TCF20: variants seen among roughly 807,000 people sequenced by gnomAD.
TCF20 encodes SPRE-binding protein.
TCF20 carries 3 observed loss-of-function variants against 148.6 expected under a neutral mutation model. The observed-to-expected ratio is 0.02, with a 90% CI of 0.01 to 0.05. The LOEUF is 0.05. Among genes scored for constraint, TCF20 ranks in the 10% least tolerant of loss-of-function variants. TCF20 has a pLI of 1.00. For synonymous variants in TCF20, 1,049 were observed against 909.5 expected, an observed-to-expected ratio of 1.15 and a Z score of -2.76; for missense variants, 2,350 against 2,429.3, an observed-to-expected ratio of 0.97 and a Z score of 0.69.
chr22:42,274,494 CA>C (rs1417015155), upstream of TCF20: 3 of 152,378 alleles, frequency 2.0e-5, no homozygotes, highest in African/African-American at 7.2e-5. Context: ...AACAGAGGAC[CA>C]GAGAATACCA....
At chr22:42,250,930 T>C (rs1365950797) in intron 1 of TCF20, among the ~76,000 whole-genome samples, 3 of 151,880 alleles carry the variant, frequency 2.0e-5, no homozygotes, top group Non-Finnish European at 2.9e-5. Flanking sequence ...GAGTGTGAGG[T>C]GCCACACTTT....
upstream of TCF20, among the ~76,000 whole-genome samples, chr22:42,288,746 A>G (rs1927079772): frequency 7.0e-6 from 1 of 142,684 alleles, no homozygotes; most frequent in South Asian, 2.2e-4. Flanking sequence ...AAAAAAAAAA[A>G]GACAGAGAGC....
chr22:42,264,903 A>T (rs541699876), intron 1 of TCF20, among the ~76,000 whole-genome samples: 1 of 152,262 alleles, frequency 6.6e-6, no homozygotes, highest in Non-Finnish European at 1.5e-5. Flanking sequence ...CATGACATTC[A>T]AAAGTGGAAA....
Position 42,236,097 on chromosome 22 carries a change from A to G in TCF20, c.-36-20756T>C, listed in dbSNP as rs114255049. On this transcript the variant is annotated intron_variant, in intron 1 of 5. Coordinates refer to ENST00000677622, the MANE Select transcript of TCF20 (RefSeq NM_001378418.1). ...TAATCCGAGAATCACTTGCTTGTAC[A>G]CCCAGGAAGCAGAGGTTGCAGTGAG... is the stretch of plus-strand genomic sequence containing the variant. 6.1e-3 allele frequency among the ~76,000 whole-genome samples: 924 copies of G among 152,082 alleles called. 17 individuals are homozygous for G. The highest frequency in any genetic ancestry group is 0.021 in the African/African-American group (880 of 41,484).
At chr22:42,169,927 G>A in intron 3 of TCF20, 31 bp from the exon 4 acceptor site, 1 of 1,611,568 alleles carries the variant, frequency 6.2e-7, no homozygotes, top group Non-Finnish European at 8.5e-7. Context: ...GTCAGATGGA[G>A]ACTTCACAGC....
At chr22:42,184,192 G>A (rs1457310421) in intron 2 of TCF20, among the ~76,000 whole-genome samples, 1 of 152,176 alleles carries the variant, frequency 6.6e-6, no homozygotes, top group Non-Finnish European at 1.5e-5. Flanking sequence ...TTCGACATCT[G>A]TTTTTCTTGT....
In TCF20 at chr22:42,212,943, G is replaced by A; in HGVS notation, c.2363C>T (p.Pro788Leu). 1 of 1,614,106 alleles carries A rather than the reference G, an allele frequency of 6.2e-7. No individual in the cohort carries two copies. The highest frequency in any genetic ancestry group is 8.5e-7 in the Non-Finnish European group (1 of 1,180,014). ...MAGSLEGTTRPNVLVSQTNEL... is the reference protein window; with the variant it reads ...MAGSLEGTTRLNVLVSQTNEL... The stretch of plus-strand genomic sequence containing the variant: ...ATTGGTTTGACTAACCAAGACATTG[G>A]GCCTTGTGGTTCCTTCTAGGCTACC... The change falls in exon 2 of 6, where the codon CCC becomes CTC. Residue 788 changes from proline to leucine, a missense_variant. Around this residue, in one of 7 missense-constraint regions of TCF20, gnomAD observed 1,641 missense variants for 1,662.6 expected, o/e 0.99. Transcript: ENST00000677622.
chr22:42,161,401 A>G, intron 5 of TCF20, 43 bp from the exon 6 acceptor site: 1 of 1,613,522 alleles, frequency 6.2e-7, no homozygotes, highest in Non-Finnish European at 8.5e-7. Context: ...GAGCCTCCAC[A>G]GGGTCCACCA....
chr22:42,211,353 T>C lies in TCF20; in HGVS notation c.3953A>G (p.Lys1318Arg). 6.2e-7 allele frequency: 1 copy of C among 1,614,228 alleles called. No homozygotes were observed. Among genetic ancestry groups the C allele is most frequent in the East Asian group, 2.2e-5 (1 of 44,882 alleles). Reference protein sequence around the residue: ...IKSIPKRDSSKDLPSPDSRNC... With the variant: ...IKSIPKRDSSRDLPSPDSRNC... Reference sequence around the variant, plus strand: ...TCTACTATCTGGACTTGGAAGGTCCTTGGAGGAATCTCTCTTAGGGATAGA... The same window carrying C: ...TCTACTATCTGGACTTGGAAGGTCCCTGGAGGAATCTCTCTTAGGGATAGA... Residue 1318 changes from lysine to arginine, a missense_variant, in exon 2 of 6, where the codon AAG (lysine) becomes AGG (arginine). By Grantham distance (26) the Lys-to-Arg change is conservative. Coordinates refer to ENST00000677622, the MANE Select transcript of TCF20 (RefSeq NM_001378418.1).
At chr22:42,264,042 T>C (rs1926155246) in intron 1 of TCF20, among the ~76,000 whole-genome samples, 1 of 152,052 alleles carries the variant, frequency 6.6e-6, no homozygotes, top group Admixed American at 6.6e-5. Flanking sequence ...ATGGAAAGGA[T>C]GGGAGAAGGC....
rs749629350 is a variant in TCF20 at position 42,210,107 on chromosome 22, G to A, written c.5199C>T (p.Leu1733=). ...PFYPQDYAAT[L]PKNPPPKRAT... Reference sequence around the variant, plus strand: ...CCCTCTTAGGAGGTGGATTCTTCGGGAGAGTGGCTGCATAATCTTGGGGAT... The same window carrying A: ...CCCTCTTAGGAGGTGGATTCTTCGGAAGAGTGGCTGCATAATCTTGGGGAT... The change falls in exon 2 of 6, where the codon CTC becomes CTT. Residue 1733 remains leucine (L), a synonymous_variant. Coordinates refer to ENST00000677622, the MANE Select transcript of TCF20 (RefSeq NM_001378418.1). This position sits in a 1 kb window ranked among gnomAD's most constrained non-coding sequence, Gnocchi z 4.7. 6.2e-7 allele frequency: 1 copy of A among 1,614,114 alleles called. No homozygotes were observed. The highest frequency in any genetic ancestry group is 8.5e-7 in the Non-Finnish European group (1 of 1,180,034).
At chr22:42,217,792 T>C (rs990734108) in intron 1 of TCF20, among the ~76,000 whole-genome samples, 1 of 152,138 alleles carries the variant, frequency 6.6e-6, no homozygotes, top group Non-Finnish European at 1.5e-5. Flanking sequence ...TGAGTCCACA[T>C]GAGAACTGAG....
chr22:42,323,869 G>GTGGTGGTGGTGGTGATGGAGGTTA (rs1927784681), intron 1 of TCF20, among the ~76,000 whole-genome samples: 2 of 135,506 alleles, frequency 1.5e-5, no homozygotes, highest in Admixed American at 1.6e-4. Context: ...TATGGTGGTG[G>GTGGTGGTGGTGGTGATGGAGGTTA]TGGTGGTGGT....
At chr22:42,236,725 A>C (rs1017164221) in intron 1 of TCF20, among the ~76,000 whole-genome samples, 8 of 152,244 alleles carry the variant, frequency 5.3e-5, no homozygotes, top group Non-Finnish European at 2.9e-5. Context: ...AGCCACAAGC[A>C]TAACATTGCA....
At chr22:42,337,279 C>G (rs907642314) in intron 1 of TCF20, among the ~76,000 whole-genome samples, 1 of 152,090 alleles carries the variant, frequency 6.6e-6, no homozygotes, top group Non-Finnish European at 1.5e-5. Context: ...TCCCTGGCAC[C>G]TCCTCTGACC....
intron 3 of TCF20, among the ~76,000 whole-genome samples, chr22:42,177,376 T>C (rs1936514532): frequency 6.6e-6 from 1 of 152,188 alleles, no homozygotes; most frequent in African/African-American, 2.4e-5. Flanking sequence ...GATCATGCCA[T>C]TGTACTTTAG....
intron 1 of TCF20, among the ~76,000 whole-genome samples, chr22:42,231,319 T>C (rs911388538): frequency 1.3e-5 from 2 of 151,932 alleles, no homozygotes; most frequent in Non-Finnish European, 2.9e-5. Context: ...TCCAGCTCTA[T>C]AAAAACTAAA....
chr22:42,317,130 G>A lies in TCF20; in HGVS notation c.-37+26349C>T, dbSNP rs567755222. Among the ~76,000 whole-genome samples, 10 of 152,252 alleles carry A rather than the reference G, an allele frequency of 6.6e-5. No individual in the cohort carries two copies. Among genetic ancestry groups the A allele is most frequent in the African/African-American group, 1.4e-4 (6 of 41,550 alleles). On this transcript the variant is annotated intron_variant, in intron 1 of 1. Transcript: ENST00000515426. The surrounding 1 kb of genome is among the most constrained non-coding windows in gnomAD (Gnocchi z 4.2). ...CGTCTGCCTCCCCTGCAGACTGAGCGCTCTGTGTGCTTGGCCACGTCTGAC... is the reference window on the plus strand; with the variant it reads ...CGTCTGCCTCCCCTGCAGACTGAGCACTCTGTGTGCTTGGCCACGTCTGAC...
intron 1 of TCF20, among the ~76,000 whole-genome samples, chr22:42,323,366 T>C (rs1349306508): frequency 2.0e-5 from 3 of 151,684 alleles, no homozygotes; most frequent in South Asian, 4.2e-4. Context: ...GGAGGGGCCA[T>C]TCAGACAGCA....
Sources: gnomAD v4.1 joint callset for allele counts (sites outside exome capture counted in the v4.1 genomes callset) on GRCh38, gnomAD v4.1.1 for gene constraint, gnomAD v4.1.1 regional missense constraint, Gnocchi (gnomAD v3.1) non-coding constraint, MANE v1.5 for transcripts, NCBI Gene and HGNC (gene_info 2026-07-23, HGNC 2026-07-21) for gene names.